TBC1D1: variants seen among roughly 807,000 people sequenced by gnomAD.
TBC1D1 encodes TBC1 (tre-2/USP6, BUB2, cdc16) domain family, member 1.
In TBC1D1, 89 loss-of-function variants were observed where a neutral mutation model predicts 125.6. The ratio of observed to expected loss-of-function variants is 0.71; its 90% confidence interval spans 0.60 to 0.85. TBC1D1 has a LOEUF of 0.85. Ranked by LOEUF, TBC1D1 falls within the 40% of genes least tolerant of loss-of-function variation. TBC1D1 has a pLI of 0.00. For synonymous variants in TBC1D1, 565 were observed against 564.1 expected, an observed-to-expected ratio of 1.00 and a Z score of -0.02; for missense variants, 1,377 against 1,469.2, an observed-to-expected ratio of 0.94 and a Z score of 1.03.
intron 8 of TBC1D1, among the ~76,000 whole-genome samples, chr4:38,036,971 C>T (rs1486947336): frequency 6.6e-6 from 1 of 152,090 alleles, no homozygotes; most frequent in African/African-American, 2.4e-5. Flanking sequence ...CAGCCTATTT[C>T]TTTTCTCTTT....
chr4:38,021,870 T>C, intron 6 of TBC1D1, 152 bp downstream of exon 6: 1 of 892,920 alleles, frequency 1.1e-6, no homozygotes. Context: ...GCAGTGGGTG[T>C]CTTCTGTATG....
At chr4:37,914,568 C>G (rs1037292302) in intron 2 of TBC1D1, among the ~76,000 whole-genome samples, 1 of 152,180 alleles carries the variant, frequency 6.6e-6, no homozygotes, top group Non-Finnish European at 1.5e-5. Flanking sequence ...TGTTTCTGTT[C>G]CTGCTTATTC....
chr4:38,001,847 T>C (rs1739157077), intron 2 of TBC1D1, among the ~76,000 whole-genome samples: 1 of 152,256 alleles, frequency 6.6e-6, no homozygotes. Flanking sequence ...CAGTAAGTTA[T>C]TGACTTGCTG....
intron 8 of TBC1D1, among the ~76,000 whole-genome samples, chr4:38,037,069 C>T (rs1220750773): frequency 6.6e-6 from 1 of 152,026 alleles, no homozygotes; most frequent in Non-Finnish European, 1.5e-5. Context: ...CTTGTTCCAA[C>T]AGGAAATTGA....
At chr4:37,960,788 TC>T (rs1729866026) in intron 2 of TBC1D1, 1 of 1,614,040 alleles carries the variant, frequency 6.2e-7, no homozygotes, top group African/African-American at 1.3e-5. Context: ...AAAAATTCTT[TC>T]CCTTCAATCT....
At chr4:38,019,053 G>A (rs1413343162) in intron 4 of TBC1D1, among the ~76,000 whole-genome samples, 1 of 151,842 alleles carries the variant, frequency 6.6e-6, no homozygotes, top group East Asian at 1.9e-4. Context: ...CTTTTTTCTT[G>A]ATAATCTTCC....
chr4:38,037,986 A>G (rs1472490814), intron 8 of TBC1D1, among the ~76,000 whole-genome samples: 1 of 152,190 alleles, frequency 6.6e-6, no homozygotes, highest in Non-Finnish European at 1.5e-5. Context: ...TTAGTATGAA[A>G]TCAGCTGCCA....
chr4:37,965,632 G>A (rs1370380857), intron 2 of TBC1D1, among the ~76,000 whole-genome samples: 3 of 152,244 alleles, frequency 2.0e-5, no homozygotes, highest in Admixed American at 1.3e-4. Flanking sequence ...CAGGAGCATC[G>A]GGGCTCTTGT....
At chr4:38,100,514 A>G (rs1308584555) in intron 14 of TBC1D1, among the ~76,000 whole-genome samples, 2 of 152,192 alleles carry the variant, frequency 1.3e-5, no homozygotes, top group Admixed American at 6.5e-5. Context: ...CCTCCTCCCA[A>G]AGTCCTTACT....
chr4:38,064,422 G>A (rs1753323090), intron 12 of TBC1D1, among the ~76,000 whole-genome samples: 1 of 152,180 alleles, frequency 6.6e-6, no homozygotes, highest in South Asian at 2.1e-4. Context: ...TGGTCCTGCT[G>A]GCCCTAGGCT....
intron 2 of TBC1D1, among the ~76,000 whole-genome samples, chr4:38,006,395 A>T (rs1036290529): frequency 1.3e-5 from 2 of 152,062 alleles, no homozygotes; most frequent in African/African-American, 4.8e-5. Context: ...ACATTCCTCC[A>T]ATATGTGGAA....
chr4:38,074,663 T>C (rs1010872393), intron 12 of TBC1D1, among the ~76,000 whole-genome samples: 1 of 152,196 alleles, frequency 6.6e-6, no homozygotes, highest in Admixed American at 6.5e-5. Context: ...TTTGGTCCCA[T>C]GTAACAACTC....
intron 17 of TBC1D1, among the ~76,000 whole-genome samples, chr4:38,119,486 G>T (rs1390650599): frequency 6.6e-6 from 1 of 151,336 alleles, no homozygotes; most frequent in African/African-American, 2.4e-5. Flanking sequence ...CATATCTTTA[G>T]TGAGAGTTCA....
chr4:38,110,644 C>T (rs776371266), intron 15 of TBC1D1: 52 of 985,260 alleles, frequency 5.3e-5, no homozygotes, highest in Admixed American at 6.2e-5. Context: ...ATGTTTGACC[C>T]TCTCCACTTA....
intron 15 of TBC1D1, among the ~76,000 whole-genome samples, chr4:38,109,403 G>A (rs187267050): frequency 1.3e-5 from 2 of 152,262 alleles, no homozygotes; most frequent in East Asian, 3.9e-4. Context: ...AGAATAAAGT[G>A]GGGTATGATT....
intron 18 of TBC1D1, among the ~76,000 whole-genome samples, chr4:38,131,805 A>G (rs1372944234): frequency 6.6e-6 from 1 of 152,198 alleles, no homozygotes; most frequent in East Asian, 1.9e-4. Context: ...TCCAGTAAAC[A>G]ATTCTCTCTC....
chr4:38,132,599 A>G (rs538022726), intron 18 of TBC1D1: 2 of 166,114 alleles, frequency 1.2e-5, no homozygotes, highest in African/African-American at 2.4e-5. Flanking sequence ...AAACAGTCCC[A>G]TTACTTAGCT....
chr4:37,923,483 T>C (rs1249835295), intron 2 of TBC1D1, among the ~76,000 whole-genome samples: 2 of 152,160 alleles, frequency 1.3e-5, no homozygotes, highest in Non-Finnish European at 2.9e-5. Context: ...ATGGGATTGC[T>C]GGGTCAAGCA....
At chr4:38,022,285 G>A (rs1379929786) in intron 6 of TBC1D1, among the ~76,000 whole-genome samples, 2 of 152,232 alleles carry the variant, frequency 1.3e-5, no homozygotes, top group East Asian at 1.9e-4. Flanking sequence ...TGTAGCTAAC[G>A]TGTATTGAAT....
Sources: gnomAD v4.1 joint callset for allele counts (sites outside exome capture counted in the v4.1 genomes callset) on GRCh38, gnomAD v4.1.1 for gene constraint, MANE v1.5 for transcripts, NCBI Gene and HGNC (gene_info 2026-07-23, HGNC 2026-07-21) for gene names.